The following SGCD variants were observed in gnomAD, a reference collection of about 807,000 sequenced individuals.
SGCD encodes delta-sarcoglycan.
Under a neutral mutation model 36.6 loss-of-function variants are expected in SGCD, and 18 were observed. The observed-to-expected ratio is 0.49, with a 90% CI of 0.34 to 0.73. The LOEUF is 0.73. Ranked by LOEUF, SGCD falls within the 30% of genes least tolerant of loss-of-function variation. The pLI is 0.01. For synonymous variants in SGCD, 133 were observed against 130.6 expected, an observed-to-expected ratio of 1.02 and a Z score of -0.12; for missense variants, 387 against 346.7, an observed-to-expected ratio of 1.12 and a Z score of -0.92.
At chr5:156,519,886 A>G (rs143015671) in intron 4 of SGCD, among the ~76,000 whole-genome samples, 9 of 152,360 alleles carry the variant, frequency 5.9e-5, no homozygotes, top group African/African-American at 1.4e-4. Context: ...GGTGCCATCT[A>G]TAACACATCT....
chr5:156,101,878 G>T (rs1015138884), intron 1 of SGCD, among the ~76,000 whole-genome samples: 89 of 149,002 alleles, frequency 6.0e-4, no homozygotes, highest in African/African-American at 2.1e-3. Flanking sequence ...ACGTATAGGA[G>T]AATCTATTCA....
intron 3 of SGCD, among the ~76,000 whole-genome samples, chr5:156,314,334 G>T (rs11744424): frequency 0.43 from 65,892 of 151,716 alleles, 14,649 homozygotes; most frequent in East Asian, 0.81. Flanking sequence ...TGCATTGGTT[G>T]GTAAGCACTT....
intron 3 of SGCD, among the ~76,000 whole-genome samples, chr5:156,179,942 A>C (rs1346793858): frequency 6.6e-6 from 1 of 152,176 alleles, no homozygotes; most frequent in Non-Finnish European, 1.5e-5. Context: ...TATTTATGAT[A>C]CTGCAGTTGG....
intron 3 of SGCD, among the ~76,000 whole-genome samples, chr5:156,176,136 TTTG>T (rs1290105706): frequency 2.0e-5 from 3 of 151,262 alleles, no homozygotes; most frequent in Middle Eastern, 3.4e-3. Context: ...TGTGTGTGTG[TTTG>T]TGTGTGTGTG....
At position 156,761,084 on chromosome 5, in the gene SGCD, G is replaced by C. The variant is rs1264581891; in HGVS notation, c.*1694G>C. On this transcript the variant is annotated 3_prime_UTR_variant, in exon 9 of 9. Coordinates refer to ENST00000337851, the MANE Select transcript of SGCD (RefSeq NM_000337.6). ...TTGGATTTTTCTTTTCCCTCAACAAGGTTTTACTTTTTCTTACTTTACAAG... is the reference window on the plus strand; with the variant it reads ...TTGGATTTTTCTTTTCCCTCAACAACGTTTTACTTTTTCTTACTTTACAAG... 6.6e-6 allele frequency: 1 copy of C among 152,120 alleles called. No homozygotes were observed. Among genetic ancestry groups the C allele is most frequent in the Non-Finnish European group, 1.5e-5 (1 of 68,020 alleles). 9.4% of individuals were successfully genotyped at this position (152,120 alleles called of 1,614,324 possible).
intron 3 of SGCD, among the ~76,000 whole-genome samples, chr5:156,143,385 GA>G (rs779086137): frequency 1.3e-5 from 2 of 152,194 alleles, no homozygotes; most frequent in Non-Finnish European, 2.9e-5. Context: ...TGTGAGACTG[GA>G]TCCCCCATAG....
the SGCD span, among the ~76,000 whole-genome samples, chr5:155,796,806 C>CAAAAAAAAAAA: frequency 3.1e-3 from 157 of 51,314 alleles, 3 homozygotes; most frequent in Non-Finnish European, 4.7e-3. Flanking sequence ...AACTCCATCT[C>CAAAAAAAAAAA]AAAAAAAAAA....
intron 3 of SGCD, among the ~76,000 whole-genome samples, chr5:156,353,234 GA>G: frequency 6.6e-6 from 1 of 152,270 alleles, no homozygotes; most frequent in South Asian, 2.1e-4. Flanking sequence ...TTGAATAAAT[GA>G]AAGGGAGAAA....
intron 1 of SGCD, among the ~76,000 whole-genome samples, chr5:156,018,915 A>G (rs1388683824): frequency 6.6e-6 from 1 of 152,232 alleles, no homozygotes; most frequent in Non-Finnish European, 1.5e-5. Flanking sequence ...ATTTTCATCA[A>G]ATTTTAACCA....
the SGCD span, among the ~76,000 whole-genome samples, chr5:155,773,123 C>T: frequency 9.9e-4 from 150 of 152,206 alleles, no homozygotes; most frequent in African/African-American, 3.3e-3. Context: ...GATAAGGCAC[C>T]GGAGCTAGTG....
At chr5:156,120,970 A>G (rs1007353177) in intron 2 of SGCD, among the ~76,000 whole-genome samples, 1 of 152,134 alleles carries the variant, frequency 6.6e-6, no homozygotes, top group Non-Finnish European at 1.5e-5. Flanking sequence ...ATTGCCGGGT[A>G]CGAGAAAGCA....
intron 3 of SGCD, among the ~76,000 whole-genome samples, chr5:156,225,178 T>TA (rs1389130415): frequency 1.3e-5 from 2 of 152,116 alleles, no homozygotes; most frequent in Non-Finnish European, 2.9e-5. Flanking sequence ...AAAAACACTT[T>TA]ATTCCCTTGG....
chr5:155,879,228 A>G (rs1561635895), intron 1 of SGCD, among the ~76,000 whole-genome samples: 1 of 152,186 alleles, frequency 6.6e-6, no homozygotes, highest in Admixed American at 6.6e-5. Flanking sequence ...TGTAAATTTC[A>G]AAGTTAAAAC....
At chr5:155,942,325 T>C (rs1001660769) in intron 1 of SGCD, among the ~76,000 whole-genome samples, 43 of 139,444 alleles carry the variant, frequency 3.1e-4, no homozygotes, top group Middle Eastern at 3.7e-3. Flanking sequence ...TATGTATGTA[T>C]GTATGTATGT....
intron 1 of SGCD, among the ~76,000 whole-genome samples, chr5:156,014,150 T>A (rs949083868): frequency 2.0e-5 from 3 of 152,154 alleles, no homozygotes; most frequent in African/African-American, 7.2e-5. Flanking sequence ...CATCAATCCT[T>A]GGAGTAGTAC....
intron 3 of SGCD, among the ~76,000 whole-genome samples, chr5:156,466,243 A>G (rs2127822738): frequency 6.6e-6 from 1 of 152,336 alleles, no homozygotes; most frequent in Middle Eastern, 3.4e-3. Context: ...ATTAGGTGAC[A>G]AGGGAAGTCA....
chr5:155,836,548 G>T, the SGCD span, among the ~76,000 whole-genome samples: 1 of 137,556 alleles, frequency 7.3e-6, no homozygotes. Flanking sequence ...TCCTTCAGAA[G>T]AGTTTGCTGT....
intron 7 of SGCD, among the ~76,000 whole-genome samples, chr5:156,742,880 G>A (rs961349352): frequency 2.6e-5 from 4 of 152,074 alleles, no homozygotes; most frequent in African/African-American, 4.8e-5. Flanking sequence ...AAACTCACTC[G>A]CATTAAGGAG....
chr5:156,522,281 A>C (rs563344004), intron 4 of SGCD, among the ~76,000 whole-genome samples: 2 of 152,180 alleles, frequency 1.3e-5, no homozygotes, highest in African/African-American at 4.8e-5. Flanking sequence ...AACATGGCAC[A>C]TGTATACCTA....
Sources: allele counts gnomAD v4.1 joint callset (sites outside exome capture counted in the v4.1 genomes callset), GRCh38; gene constraint gnomAD v4.1.1; transcripts MANE v1.5; gene names NCBI Gene and HGNC (gene_info 2026-07-23, HGNC 2026-07-21).